The following SAMD3 variants were observed in gnomAD, a reference collection of about 807,000 sequenced individuals.
SAMD3 encodes the protein sterile alpha motif domain containing 3.
SAMD3 carries 63 observed loss-of-function variants against 58.5 expected under a neutral mutation model. The observed-to-expected ratio is 1.08, with a 90% CI of 0.88 to 1.33. The LOEUF is 1.33. Among genes scored for constraint, SAMD3 ranks in the 40% most tolerant of loss-of-function variants. SAMD3 has a pLI of 0.00. For missense variants in SAMD3, 604 were observed against 608.4 expected (o/e 0.99, Z 0.08); for synonymous variants, 220 against 210.3 (o/e 1.05, Z -0.40).
At chr6:130,281,721 C>A (rs1220264794) in intron 2 of SAMD3, among the ~76,000 whole-genome samples, 1 of 152,034 alleles carries the variant, frequency 6.6e-6, no homozygotes, top group Non-Finnish European at 1.5e-5. Context: ...GAGTTTGAGA[C>A]CAGCCTGGGC....
At chr6:130,259,820 C>T (rs1329677389) in intron 2 of SAMD3, among the ~76,000 whole-genome samples, 2 of 152,192 alleles carry the variant, frequency 1.3e-5, no homozygotes, top group Non-Finnish European at 2.9e-5. Context: ...TCTCACAAAA[C>T]TTTAGTACAA....
At chr6:130,305,602 T>C (rs1330627717) in intron 2 of SAMD3, among the ~76,000 whole-genome samples, 1 of 152,196 alleles carries the variant, frequency 6.6e-6, no homozygotes, top group East Asian at 1.9e-4. Context: ...ATAAGAATTT[T>C]AGTCATGAAT....
intron 2 of SAMD3, among the ~76,000 whole-genome samples, chr6:130,268,760 T>G (rs1029723841): frequency 2.0e-5 from 3 of 152,176 alleles, no homozygotes; most frequent in Non-Finnish European, 4.4e-5. Context: ...TCTAGGCTTG[T>G]GTAAGTGCAC....
rs1360416987 is a variant in SAMD3 at position 130,184,552 on chromosome 6, A to G, written c.455T>C (p.Phe152Ser). Reference protein sequence around the residue: ...QWTKSYVLPEFPYDVKCMLAE... With the variant: ...QWTKSYVLPESPYDVKCMLAE... ...TAACATGCATTTGACATCATAGGGA[A>G]ACTCTGGTAAAACATAGGACTTCGT... Residue 152 changes from phenylalanine (F) to serine (S), a missense_variant, in exon 6 of 12, where the codon TTT (phenylalanine) becomes TCT (serine). Coordinates refer to ENST00000439090, the MANE Select transcript of SAMD3 (RefSeq NM_001017373.4). The G allele has an allele frequency of 6.2e-7, 1 of 1,614,100 alleles. No homozygotes were observed. The highest frequency in any genetic ancestry group is 1.7e-5 in the Admixed American group (1 of 60,032).
chr6:130,324,626 A>G (rs1295920764), intron 1 of SAMD3, among the ~76,000 whole-genome samples: 1 of 152,202 alleles, frequency 6.6e-6, no homozygotes, highest in African/African-American at 2.4e-5. Context: ...AAAGTAGGTT[A>G]AAATGCTGCT....
chr6:130,270,495 C>G (rs552761366), intron 2 of SAMD3, among the ~76,000 whole-genome samples: 1 of 152,350 alleles, frequency 6.6e-6, no homozygotes, highest in Admixed American at 6.5e-5. Context: ...GCAATCTTCT[C>G]TTTCTGTTTC....
chr6:130,290,219 T>A (rs10457548), intron 2 of SAMD3, among the ~76,000 whole-genome samples: 1 of 152,078 alleles, frequency 6.6e-6, no homozygotes, highest in Non-Finnish European at 1.5e-5. Flanking sequence ...CGTGTGATTA[T>A]GCGGACTGGC....
At chr6:130,145,137 T>C (rs1788500242) in intron 11 of SAMD3, among the ~76,000 whole-genome samples, 1 of 152,126 alleles carries the variant, frequency 6.6e-6, no homozygotes, top group African/African-American at 2.4e-5. Context: ...TGCATGCCTA[T>C]AATCCCAGCT....
At position 130,196,161 on chromosome 6, in the gene SAMD3, T is replaced by A. The variant is rs567955463; in HGVS notation, c.384-11538A>T. Among the ~76,000 whole-genome samples the A allele has an allele frequency of 2.0e-5, 3 of 152,294 alleles. No individual in the cohort carries two copies. The South Asian group carries it at 6.2e-4, about 32-fold the overall frequency. ...TGACCTTACTGTTTTAGGCTGACCA[T>A]CATGTCTCCGTGCAGTGGCTCCTGC... is the stretch of plus-strand genomic sequence containing the variant. On this transcript the variant is annotated intron_variant, in intron 5 of 11. Transcript: ENST00000439090.
intron 5 of SAMD3, among the ~76,000 whole-genome samples, chr6:130,207,015 A>T (rs1795141311): frequency 6.6e-6 from 1 of 152,008 alleles, no homozygotes; most frequent in Non-Finnish European, 1.5e-5. Context: ...TGGGCCTGGT[A>T]GTGCACACCT....
chr6:130,338,517 G>T (rs1258954675), intron 1 of SAMD3, among the ~76,000 whole-genome samples: 1 of 152,168 alleles, frequency 6.6e-6, no homozygotes, highest in Non-Finnish European at 1.5e-5. Flanking sequence ...TGCACCATGT[G>T]CCTGGAAAAG....
At chr6:130,354,257 G>A (rs1381700165) in intron 1 of SAMD3, among the ~76,000 whole-genome samples, 2 of 152,188 alleles carry the variant, frequency 1.3e-5, no homozygotes, top group African/African-American at 4.8e-5. Flanking sequence ...ATTGTGGAAA[G>A]AAGTGTGGTA....
chr6:130,158,392 C>G (rs112306998), intron 8 of SAMD3, among the ~76,000 whole-genome samples: 114 of 151,914 alleles, frequency 7.5e-4, no homozygotes, highest in African/African-American at 2.6e-3. Context: ...CTTCTAGACA[C>G]AGAGCCATGG....
At chr6:130,255,573 A>G (rs1290757069) in intron 2 of SAMD3, among the ~76,000 whole-genome samples, 1 of 152,212 alleles carries the variant, frequency 6.6e-6, no homozygotes, top group African/African-American at 2.4e-5. Context: ...TTATCTAAGA[A>G]TAGCTATCCT....
At chr6:130,315,436 CCTGT>C (rs1259610288) in intron 1 of SAMD3, among the ~76,000 whole-genome samples, 4 of 152,020 alleles carry the variant, frequency 2.6e-5, no homozygotes, top group Admixed American at 2.6e-4. Flanking sequence ...AGTCATTTGG[CCTGT>C]CTGATTTTTA....
chr6:130,305,511 T>C (rs1775884864), intron 2 of SAMD3, among the ~76,000 whole-genome samples: 1 of 152,258 alleles, frequency 6.6e-6, no homozygotes, highest in Non-Finnish European at 1.5e-5. Flanking sequence ...AGAATGTTTA[T>C]ATTCTTTTAG....
At chr6:130,243,912 A>T (rs1400627747) in intron 2 of SAMD3, among the ~76,000 whole-genome samples, 1 of 152,220 alleles carries the variant, frequency 6.6e-6, no homozygotes, top group African/African-American at 2.4e-5. Flanking sequence ...CAGTCTCATG[A>T]ATATATATGT....
chr6:130,361,178 T>C (rs967596087), intron 1 of SAMD3, among the ~76,000 whole-genome samples: 12 of 152,124 alleles, frequency 7.9e-5, no homozygotes, highest in East Asian at 3.9e-4. Context: ...AGGATATTGA[T>C]TGGGGAAGTG....
chr6:130,346,606 C>A (rs908214158), intron 1 of SAMD3, among the ~76,000 whole-genome samples: 1 of 152,202 alleles, frequency 6.6e-6, no homozygotes, highest in Admixed American at 6.5e-5. Flanking sequence ...TGGAGCCCAC[C>A]ACAGCCCAAG....
Sources: allele counts gnomAD v4.1 joint callset (sites outside exome capture counted in the v4.1 genomes callset), GRCh38; gene constraint gnomAD v4.1.1; transcripts MANE v1.5; gene names NCBI Gene and HGNC (gene_info 2026-07-23, HGNC 2026-07-21).